TNR: variants seen among roughly 807,000 people sequenced by gnomAD.
TNR encodes tenascin R, also known as tenascin-R.
Under a neutral mutation model 150.4 loss-of-function variants are expected in TNR, and 45 were observed. The observed-to-expected ratio is 0.30, with a 90% CI of 0.24 to 0.38. TNR has a LOEUF of 0.38. TNR is among the 10% of genes least tolerant of loss of function. The pLI, the probability that TNR is intolerant of heterozygous loss-of-function variation, is 1.00. For synonymous variants in TNR, 687 were observed against 678.4 expected (o/e 1.01, Z -0.20); for missense variants, 1,544 against 1,759.1 (o/e 0.88, Z 2.19).
At chr1:175,694,361 G>A (rs1199769402) in intron 1 of TNR, among the ~76,000 whole-genome samples, 7 of 152,136 alleles carry the variant, frequency 4.6e-5, no homozygotes, top group Non-Finnish European at 1.0e-4. Flanking sequence ...AGAAATCCAA[G>A]CATCATCACG....
intron 1 of TNR, among the ~76,000 whole-genome samples, chr1:175,652,392 C>G (rs1164814648): frequency 6.6e-6 from 1 of 151,622 alleles, no homozygotes; most frequent in African/African-American, 2.4e-5. Context: ...ACAAACTTGG[C>G]AAATATTTTT....
chr1:175,558,618 T>A (rs1388737376), intron 1 of TNR, among the ~76,000 whole-genome samples: 5 of 152,230 alleles, frequency 3.3e-5, no homozygotes, highest in Admixed American at 3.3e-4. Context: ...CTTTTCCTTC[T>A]TCTGATACAC....
chr1:175,718,659 T>C (rs112597498), intron 1 of TNR, among the ~76,000 whole-genome samples: 3,321 of 152,286 alleles, frequency 0.022, 119 homozygotes, highest in African/African-American at 0.075. Context: ...ACAAATAAAC[T>C]GAGACCGCAT....
intron 7 of TNR, among the ~76,000 whole-genome samples, chr1:175,389,676 G>A (rs575574976): frequency 6.6e-6 from 1 of 152,152 alleles, no homozygotes; most frequent in Non-Finnish European, 1.5e-5. Flanking sequence ...AATTTGTTAC[G>A]CTTTCTCTTG....
intron 2 of TNR, among the ~76,000 whole-genome samples, chr1:175,505,185 C>T (rs1213192679): frequency 6.6e-6 from 1 of 152,214 alleles, no homozygotes; most frequent in Non-Finnish European, 1.5e-5. Flanking sequence ...CTCCCTCCCG[C>T]GTGTTTTGGC....
At chr1:175,368,304 A>G (rs1032089751) in intron 9 of TNR, among the ~76,000 whole-genome samples, 1 of 152,214 alleles carries the variant, frequency 6.6e-6, no homozygotes, top group African/African-American at 2.4e-5. Context: ...TCTAGCTTCT[A>G]GAGGTTGCCT....
intron 18 of TNR, among the ~76,000 whole-genome samples, chr1:175,346,828 A>G (rs1294535983): frequency 6.6e-6 from 1 of 151,952 alleles, no homozygotes; most frequent in Non-Finnish European, 1.5e-5. Flanking sequence ...ACAAAACAAT[A>G]ACAATGTGCC....
chr1:175,575,598 C>T (rs1662071068), intron 1 of TNR, among the ~76,000 whole-genome samples: 1 of 152,116 alleles, frequency 6.6e-6, no homozygotes. Flanking sequence ...AGGAGTAGAA[C>T]TCAAAGGAGA....
At chr1:175,510,608 G>C (rs1485966272) in intron 2 of TNR, among the ~76,000 whole-genome samples, 1 of 152,108 alleles carries the variant, frequency 6.6e-6, no homozygotes, top group African/African-American at 2.4e-5. Context: ...ACTACAAGCT[G>C]TTGAAAAACT....
intron 1 of TNR, among the ~76,000 whole-genome samples, chr1:175,577,588 G>T (rs1328370387): frequency 6.6e-6 from 1 of 152,122 alleles, no homozygotes; most frequent in Non-Finnish European, 1.5e-5. Flanking sequence ...TGGAGGGCTG[G>T]GGGTGCGGGT....
At chr1:175,608,645 G>C (rs1195151755) in intron 1 of TNR, among the ~76,000 whole-genome samples, 1 of 152,162 alleles carries the variant, frequency 6.6e-6, no homozygotes, top group Non-Finnish European at 1.5e-5. Context: ...GATATAGCAT[G>C]TTCAAGGAGC....
intron 9 of TNR, among the ~76,000 whole-genome samples, chr1:175,378,490 G>T (rs539458847): frequency 6.6e-5 from 10 of 152,304 alleles, no homozygotes; most frequent in African/African-American, 2.2e-4. Context: ...ATGGAAACTG[G>T]CAAGATGAAG....
At chr1:175,367,164 T>A (rs1388381149) in intron 10 of TNR, 44 bp downstream of exon 10, 1 of 1,592,750 alleles carries the variant, frequency 6.3e-7, no homozygotes, top group South Asian at 1.1e-5. Context: ...TCCTTAGGCT[T>A]ATAGGCTAAC....
intron 1 of TNR, among the ~76,000 whole-genome samples, chr1:175,732,083 C>G (rs1667657700): frequency 6.6e-6 from 1 of 152,180 alleles, no homozygotes; most frequent in African/African-American, 2.4e-5. Flanking sequence ...CTCCCTGCCT[C>G]CCCTTGAATC....
At chr1:175,570,443 T>C (rs746839491) in intron 1 of TNR, among the ~76,000 whole-genome samples, 1 of 152,180 alleles carries the variant, frequency 6.6e-6, no homozygotes. Flanking sequence ...GGGGTGTTCA[T>C]GTGCAGGGTA....
intron 1 of TNR, among the ~76,000 whole-genome samples, chr1:175,663,202 AC>A (rs1665429518): frequency 6.6e-6 from 1 of 151,946 alleles, no homozygotes; most frequent in Admixed American, 6.6e-5. Flanking sequence ...CGGGGGATCC[AC>A]CCACCCTGAG....
chr1:175,385,451 G>A (rs1321699127), intron 8 of TNR, among the ~76,000 whole-genome samples: 1 of 152,198 alleles, frequency 6.6e-6, no homozygotes, highest in African/African-American at 2.4e-5. Flanking sequence ...TGAACTTCCT[G>A]TCTGTGGGAG....
chr1:175,506,604 G>T (rs1427035418), intron 2 of TNR, among the ~76,000 whole-genome samples: 1 of 152,206 alleles, frequency 6.6e-6, no homozygotes, highest in Non-Finnish European at 1.5e-5. Context: ...GCAGTGAGAA[G>T]ACCCCCTTTG....
At chr1:175,522,175 C>G (rs999678678) in intron 2 of TNR, among the ~76,000 whole-genome samples, 5 of 152,146 alleles carry the variant, frequency 3.3e-5, no homozygotes, top group African/African-American at 1.2e-4. Context: ...GAAGCCACTG[C>G]TTAAGTGTGC....
Sources: allele counts gnomAD v4.1 joint callset (sites outside exome capture counted in the v4.1 genomes callset), GRCh38; gene constraint gnomAD v4.1.1; transcripts MANE v1.5; gene names NCBI Gene and HGNC (gene_info 2026-07-23, HGNC 2026-07-21).